RERE: variants seen among roughly 807,000 people sequenced by gnomAD.
The protein encoded by RERE is arginine-glutamic acid dipeptide repeats.
RERE carries 40 observed loss-of-function variants against 146.1 expected under a neutral mutation model. That is an observed-to-expected ratio of 0.27 (90% confidence interval 0.21 to 0.36). RERE has a LOEUF of 0.36. RERE is among the 10% of genes least tolerant of loss of function. The probability of loss-of-function intolerance (pLI) is 1.00; values close to 1 mark genes in which losing one functional copy is unlikely to be tolerated. For synonymous variants in RERE, 1,003 were observed against 866.0 expected, an observed-to-expected ratio of 1.16 and a Z score of -2.78; for missense variants, 1,933 against 2,138.7, an observed-to-expected ratio of 0.90 and a Z score of 1.90.
chr1:8,636,267 C>T (rs1010940908), intron 2 of RERE, among the ~76,000 whole-genome samples: 1 of 152,138 alleles, frequency 6.6e-6, no homozygotes, highest in African/African-American at 2.4e-5. Context: ...GGATTACAGG[C>T]GTAAGCCACC....
At chr1:8,804,835 A>G (rs1008303631) in intron 1 of RERE, among the ~76,000 whole-genome samples, 6 of 152,160 alleles carry the variant, frequency 3.9e-5, no homozygotes, top group African/African-American at 7.2e-5. Flanking sequence ...TGTCTATGAG[A>G]TACATGAAAG....
chr1:8,776,925 C>G (rs987565954), intron 1 of RERE, among the ~76,000 whole-genome samples: 24 of 151,226 alleles, frequency 1.6e-4, no homozygotes, highest in African/African-American at 5.6e-4. Flanking sequence ...GGTGGGGTTT[C>G]ACCATATTGC....
chr1:8,665,890 G>T (rs1364601131), intron 1 of RERE, among the ~76,000 whole-genome samples: 1 of 152,074 alleles, frequency 6.6e-6, no homozygotes, highest in East Asian at 1.9e-4. Flanking sequence ...ACATATGAAA[G>T]CCAGGTCATA....
At chr1:8,767,118 T>G (rs1569750221) in intron 1 of RERE, among the ~76,000 whole-genome samples, 1 of 152,206 alleles carries the variant, frequency 6.6e-6, no homozygotes, top group East Asian at 1.9e-4. Context: ...GACTATTCAT[T>G]TTCTACACCA....
At chr1:8,548,226 A>G (rs1645890228) in intron 6 of RERE, among the ~76,000 whole-genome samples, 1 of 152,206 alleles carries the variant, frequency 6.6e-6, no homozygotes, top group South Asian at 2.1e-4. Flanking sequence ...TCAGTAACCT[A>G]GAGCAGCAAG....
chr1:8,502,788 C>T (rs1214343129), intron 8 of RERE, among the ~76,000 whole-genome samples: 1 of 146,998 alleles, frequency 6.8e-6, no homozygotes, highest in South Asian at 2.2e-4. Flanking sequence ...GTGACCTTAT[C>T]CCCAACCCTG....
chr1:8,501,992 G>C (rs1342951213), intron 8 of RERE, among the ~76,000 whole-genome samples: 4 of 65,308 alleles, frequency 6.1e-5, no homozygotes, highest in Non-Finnish European at 1.3e-4. Flanking sequence ...AGGTGGGGGG[G>C]TCAGCCCCCC....
chr1:8,469,257 T>C (rs947366544), intron 10 of RERE, among the ~76,000 whole-genome samples: 12 of 152,198 alleles, frequency 7.9e-5, no homozygotes, highest in African/African-American at 2.9e-4. Flanking sequence ...TTATGTGTCA[T>C]ATAAAATTAC....
chr1:8,375,681 TTTCCTCACTCAGCAGCCACTGAAAATGC>T (rs1557597408), intron 12 of RERE, among the ~76,000 whole-genome samples: 3 of 62,738 alleles, frequency 4.8e-5, no homozygotes, highest in Non-Finnish European at 9.8e-5. Context: ...ACTGAAAATG[TTTCCTCACTCAGCAGCCACTGAAAATGC>T]TTCCTCACTC....
chr1:8,703,247 C>T (rs1317615780), intron 1 of RERE: 1 of 150,102 alleles, frequency 6.7e-6, no homozygotes, highest in African/African-American at 2.4e-5. Context: ...GGCGCAGGTC[C>T]CGGCGGCTTG....
At chr1:8,629,051 C>T (rs1178543022) in intron 2 of RERE, among the ~76,000 whole-genome samples, 1 of 152,110 alleles carries the variant, frequency 6.6e-6, no homozygotes, top group Non-Finnish European at 1.5e-5. Context: ...CACGTATTTA[C>T]CAGAATTGAG....
intron 7 of RERE, among the ~76,000 whole-genome samples, chr1:8,515,729 G>C (rs1313569544): frequency 6.6e-6 from 1 of 152,100 alleles, no homozygotes; most frequent in Non-Finnish European, 1.5e-5. Context: ...AGTAGGTCTA[G>C]TCAAAGCCAG....
At chr1:8,737,369 G>A (rs1282357140) in intron 1 of RERE, among the ~76,000 whole-genome samples, 1 of 152,158 alleles carries the variant, frequency 6.6e-6, no homozygotes, top group Non-Finnish European at 1.5e-5. Flanking sequence ...GGGCTTTAAG[G>A]CTTAATTGCC....
At chr1:8,638,329 T>C (rs1034009465) in intron 2 of RERE, among the ~76,000 whole-genome samples, 7 of 152,226 alleles carry the variant, frequency 4.6e-5, no homozygotes, top group African/African-American at 1.2e-4. Flanking sequence ...ACTGATGTCA[T>C]AGGCACTGCC....
At chr1:8,575,049 A>G (rs552402610) in intron 4 of RERE, among the ~76,000 whole-genome samples, 1 of 152,356 alleles carries the variant, frequency 6.6e-6, no homozygotes, top group Admixed American at 6.5e-5. Flanking sequence ...CTCTGGAAAG[A>G]TACAAGAAGC....
At chr1:8,757,905 CAT>C (rs1283554443) in intron 1 of RERE, among the ~76,000 whole-genome samples, 66 of 120,294 alleles carry the variant, frequency 5.5e-4, no homozygotes, top group Non-Finnish European at 9.6e-4. Context: ...CACACACACA[CAT>C]ACATACACAC....
intron 7 of RERE, 121 bp from the exon 8 acceptor site, chr1:8,508,796 G>A (rs528925069): frequency 7.9e-5 from 59 of 750,326 alleles, no homozygotes; most frequent in African/African-American, 6.0e-4. Context: ...AAGAATTAAC[G>A]TCCCCACTAC....
chr1:8,556,679 C>A, intron 5 of RERE, 108 bp from the exon 6 acceptor site: 1 of 698,336 alleles, frequency 1.4e-6, no homozygotes, highest in South Asian at 1.6e-5. Context: ...ATAACCGGGC[C>A]TGGTTAGCAT....
chr1:8,792,789 G>A (rs1361068775), intron 1 of RERE, among the ~76,000 whole-genome samples: 1 of 152,158 alleles, frequency 6.6e-6, no homozygotes, highest in African/African-American at 2.4e-5. Context: ...CTTTTTAACA[G>A]TGTCTTACAT....
Sources: gnomAD v4.1 joint callset for allele counts (sites outside exome capture counted in the v4.1 genomes callset) on GRCh38, gnomAD v4.1.1 for gene constraint, MANE v1.5 for transcripts, NCBI Gene and HGNC (gene_info 2026-07-23, HGNC 2026-07-21) for gene names.